Variants in PDLIM5 observed in about 807,000 individuals in gnomAD.
The protein encoded by PDLIM5 is PDZ and LIM domain protein 5.
A neutral mutation model predicts 64.2 loss-of-function variants in PDLIM5; 34 were observed. That is an observed-to-expected ratio of 0.53 (90% CI 0.40 to 0.71). The LOEUF (loss-of-function observed/expected upper bound fraction) is 0.71. Among genes scored for constraint, PDLIM5 ranks in the 30% least tolerant of loss-of-function variants. The probability of loss-of-function intolerance (pLI) is 0.00; values close to 1 mark genes in which losing one functional copy is unlikely to be tolerated. For synonymous variants in PDLIM5, 253 were observed against 269.1 expected (o/e 0.94, Z 0.59); for missense variants, 683 against 733.6 (o/e 0.93, Z 0.80).
At chr4:94,663,348 G>T (rs1310203353) in intron 12 of PDLIM5, among the ~76,000 whole-genome samples, 1 of 152,114 alleles carries the variant, frequency 6.6e-6, no homozygotes, top group Non-Finnish European at 1.5e-5. Context: ...TAGCAGATTT[G>T]CCTTTTCTTT....
At chr4:94,456,560 A>G (rs1174858198) in intron 2 of PDLIM5, 2 of 717,924 alleles carry the variant, frequency 2.8e-6, no homozygotes, top group Non-Finnish European at 5.0e-6. Flanking sequence ...CTCTATTAAT[A>G]TATAAGGAGG....
At chr4:94,511,355 A>G (rs1311534813) in intron 2 of PDLIM5, among the ~76,000 whole-genome samples, 1 of 152,000 alleles carries the variant, frequency 6.6e-6, no homozygotes, top group African/African-American at 2.4e-5. Flanking sequence ...TGGTAGGTGT[A>G]TATATTTATC....
intron 7 of PDLIM5, among the ~76,000 whole-genome samples, chr4:94,609,472 G>T (rs1738187176): frequency 1.3e-5 from 2 of 152,086 alleles, no homozygotes; most frequent in African/African-American, 4.8e-5. Context: ...TGCTATACCT[G>T]CATTTAAAAA....
At chr4:94,588,432 G>C (rs549580247) in intron 7 of PDLIM5, among the ~76,000 whole-genome samples, 1 of 152,070 alleles carries the variant, frequency 6.6e-6, no homozygotes, top group Non-Finnish European at 1.5e-5. Context: ...GCATGGTGGC[G>C]CATGCCTGTA....
chr4:94,644,788 G>GC (rs1361369877), intron 9 of PDLIM5, among the ~76,000 whole-genome samples: 1 of 151,996 alleles, frequency 6.6e-6, no homozygotes, highest in Non-Finnish European at 1.5e-5. Flanking sequence ...TGATCCACCT[G>GC]CCTCGGCCTC....
chr4:94,522,737 A>G (rs1388127922), intron 2 of PDLIM5, among the ~76,000 whole-genome samples: 2 of 152,162 alleles, frequency 1.3e-5, no homozygotes, highest in East Asian at 3.9e-4. Flanking sequence ...GAACTTTTTC[A>G]TCATCACAAA....
chr4:94,532,346 C>A lies in PDLIM5; in HGVS notation c.248+8471C>A, dbSNP rs545226666. Among the ~76,000 whole-genome samples the A allele has an allele frequency of 6.6e-5, 10 of 152,158 alleles. No homozygotes were observed. In the South Asian group the frequency reaches 1.9e-3, roughly 28 times the overall value. ...AAAAGTAACTATTTTAAAGGAAAGGCTAGCATGGGGAAGAAGAGAGAAGAA... is the reference window on the plus strand; with the variant it reads ...AAAAGTAACTATTTTAAAGGAAAGGATAGCATGGGGAAGAAGAGAGAAGAA... On this transcript the variant is annotated intron_variant, in intron 3 of 12. Transcript: ENST00000317968.
intron 2 of PDLIM5, among the ~76,000 whole-genome samples, chr4:94,470,062 G>T (rs952989740): frequency 1.4e-5 from 2 of 147,236 alleles, no homozygotes; most frequent in East Asian, 4.1e-4. Flanking sequence ...CGCCTCTCGG[G>T]TTTAAGTAAT....
intron 3 of PDLIM5, among the ~76,000 whole-genome samples, chr4:94,530,403 A>G (rs1730757862): frequency 6.6e-6 from 1 of 151,956 alleles, no homozygotes; most frequent in African/African-American, 2.4e-5. Context: ...TTAAGGTGAA[A>G]GGTAGGTCAG....
chr4:94,455,795 A>G, intron 2 of PDLIM5: 1 of 1,515,518 alleles, frequency 6.6e-7, no homozygotes. Flanking sequence ...GAATAAAATG[A>G]TTGTTTCGGA....
chr4:94,587,186 T>C lies in PDLIM5; in HGVS notation c.920+742T>C, dbSNP rs181104813. On this transcript the variant is annotated intron_variant, in intron 7 of 12. Coordinates refer to ENST00000317968, the MANE Select transcript of PDLIM5 (RefSeq NM_006457.5). ...GTATTAAATTTGCCTTATGAAAAAA[T>C]AGAACTTTTTCTATACTTTTCTAAC... is the stretch of plus-strand genomic sequence containing the variant. 10,986 of 1,475,266 alleles carry C rather than the reference T, an allele frequency of 7.4e-3. 65 individuals are homozygous for C. Among genetic ancestry groups the C allele is most frequent in the Non-Finnish European group, 8.5e-3 (9,560 of 1,122,538 alleles). The allele number at this position is 1,475,266 out of a possible 1,614,324, so 91.4% of individuals were successfully genotyped here.
chr4:94,626,722 A>G lies in PDLIM5; in HGVS notation c.1108+8531A>G, dbSNP rs1739729356. Among the ~76,000 whole-genome samples, 4 of 152,016 alleles carry G rather than the reference A, an allele frequency of 2.6e-5. No homozygotes were observed. In the South Asian group the frequency reaches 8.3e-4, roughly 32 times the overall value. ...CTTCTGGTGTGTGCTACATTTAGCA[A>G]TAAAGAAAAGCTTGTTTACTTCATT... On this transcript the variant is annotated intron_variant, in intron 8 of 12. Coordinates refer to ENST00000317968, the MANE Select transcript of PDLIM5 (RefSeq NM_006457.5).
chr4:94,504,375 C>T (rs1728198693), intron 2 of PDLIM5, among the ~76,000 whole-genome samples: 1 of 151,920 alleles, frequency 6.6e-6, no homozygotes, highest in Admixed American at 6.6e-5. Context: ...GCAACCTCCG[C>T]TCCCGGGTTC....
At chr4:94,600,074 G>T (rs1452073120) in intron 7 of PDLIM5, among the ~76,000 whole-genome samples, 2 of 152,120 alleles carry the variant, frequency 1.3e-5, no homozygotes, top group African/African-American at 4.8e-5. Context: ...ATTGTGGCAG[G>T]TAAACAAGGG....
At chr4:94,535,518 T>C (rs1731241980) in intron 3 of PDLIM5, among the ~76,000 whole-genome samples, 1 of 152,104 alleles carries the variant, frequency 6.6e-6, no homozygotes, top group East Asian at 1.9e-4. Context: ...ATTATCCAGA[T>C]CAAAAAGACG....
rs534915600 is a variant in PDLIM5 at position 94,585,072 on chromosome 4, T to G, written c.711-493T>G. On this transcript the variant is annotated intron_variant, in intron 5 of 12. Coordinates refer to ENST00000317968, the MANE Select transcript of PDLIM5 (RefSeq NM_006457.5). ...TAACATTATAAGTGCAGTTTTTTAC[T>G]TATAATTTAAAAGGTTTTTTTGTTT... 55 of 804,186 alleles carry G rather than the reference T, an allele frequency of 6.8e-5. No homozygotes were observed. The African/African-American group carries it at 8.4e-4, about 12-fold the overall frequency. 49.8% of individuals were successfully genotyped at this position (804,186 alleles called of 1,614,324 possible). A position where few individuals can be genotyped will look rare whatever the true frequency, so the allele number is the denominator to read the frequency against.
At chr4:94,659,494 A>ATG (rs1163008328) in intron 11 of PDLIM5, among the ~76,000 whole-genome samples, 2,277 of 109,026 alleles carry the variant, frequency 0.021, 29 homozygotes, top group African/African-American at 0.043. Flanking sequence ...ATATGTGTGT[A>ATG]TGTGTGTGTG....
intron 7 of PDLIM5, among the ~76,000 whole-genome samples, chr4:94,611,448 A>G (rs924137906): frequency 7.9e-5 from 12 of 152,230 alleles, no homozygotes; most frequent in African/African-American, 2.9e-4. Context: ...TTGGTGTGCA[A>G]TTCTGAGTAA....
intron 9 of PDLIM5, 24 bp downstream of exon 9, chr4:94,640,474 T>G: frequency 6.8e-7 from 1 of 1,478,954 alleles, no homozygotes; most frequent in South Asian, 1.3e-5. Flanking sequence ...TGAAATTTTC[T>G]TGAAAGTACT....
Sources: allele counts gnomAD v4.1 joint callset (sites outside exome capture counted in the v4.1 genomes callset), GRCh38; gene constraint gnomAD v4.1.1; transcripts MANE v1.5; gene names NCBI Gene and HGNC (gene_info 2026-07-23, HGNC 2026-07-21).